Variants in RUNX1 observed in about 807,000 individuals in gnomAD.
RUNX1 encodes the protein runt-related transcription factor 1.
Under a neutral mutation model 42.8 loss-of-function variants are expected in RUNX1, and 19 were observed. The observed-to-expected ratio is 0.44, with a 90% CI of 0.31 to 0.65. The LOEUF is 0.65. RUNX1 is among the 30% of genes least tolerant of loss of function. The pLI, the probability that RUNX1 is intolerant of heterozygous loss-of-function variation, is 0.07. For synonymous variants in RUNX1, 271 were observed against 289.4 expected (o/e 0.94, Z 0.64); for missense variants, 528 against 672.0 (o/e 0.79, Z 2.37).
chr21:34,799,152 G>A (rs1177855564), intron 8 of RUNX1, 149 bp downstream of exon 8: 1 of 826,742 alleles, frequency 1.2e-6, no homozygotes, highest in African/African-American at 1.7e-5. Context: ...AAGAAAATCA[G>A]TGCATGGGCA....
intron 2 of RUNX1, among the ~76,000 whole-genome samples, chr21:35,018,203 T>G (rs1284323157): frequency 6.6e-6 from 1 of 152,102 alleles, no homozygotes; most frequent in Non-Finnish European, 1.5e-5. Flanking sequence ...TTTTTGCATT[T>G]TTAGTATTTT....
At chr21:34,849,279 AATATATAT>A (rs2057362736) in intron 6 of RUNX1, among the ~76,000 whole-genome samples, 1 of 66,682 alleles carries the variant, frequency 1.5e-5, no homozygotes, top group African/African-American at 5.8e-5. Context: ...ATATATATAT[AATATATAT>A]TATATATAAA....
chr21:34,797,962 C>A (rs899046771), intron 8 of RUNX1: 5 of 450,570 alleles, frequency 1.1e-5, no homozygotes, highest in South Asian at 4.7e-5. Context: ...TCAGGACAGA[C>A]CCCCCCCAAC....
rs1235706809 is a variant in RUNX1 at position 34,789,289 on chromosome 21, T to G, written c.*2846A>C. 4.4e-6 allele frequency: 1 copy of G among 229,272 alleles called. No individual in the cohort carries two copies. The highest frequency in any genetic ancestry group is 8.5e-6 in the Non-Finnish European group (1 of 117,316). The allele number at this position is 229,272 out of a possible 1,614,324, so 14.2% of individuals were successfully genotyped here. A position where few individuals can be genotyped will look rare whatever the true frequency, so the allele number is the denominator to read the frequency against. On this transcript the variant is annotated 3_prime_UTR_variant, in exon 9 of 9. Transcript: ENST00000675419. ...CACAGGAAAAGGAGGAGGGAGAAAG[T>G]GGGGTTTGGAAGATAGAGGAAGAGA...
chr21:34,963,362 C>T (rs145098259), intron 2 of RUNX1, among the ~76,000 whole-genome samples: 2,336 of 152,228 alleles, frequency 0.015, 33 homozygotes, highest in Non-Finnish European at 0.022. Flanking sequence ...TTTTAAAGCT[C>T]CTGCAGAGAG....
chr21:34,964,487 CAAAAA>C (rs58388110), intron 2 of RUNX1, among the ~76,000 whole-genome samples: 1 of 119,330 alleles, frequency 8.4e-6, no homozygotes. Context: ...GACTCCATCT[CAAAAA>C]AAAAAAAAAA....
intron 6 of RUNX1, among the ~76,000 whole-genome samples, chr21:34,835,356 GC>G (rs1408189058): frequency 2.0e-5 from 3 of 152,164 alleles, no homozygotes; most frequent in Non-Finnish European, 4.4e-5. Flanking sequence ...GGTAGCTACA[GC>G]CTATCTGGTG....
At chr21:34,888,717 C>G (rs1569086458) in intron 3 of RUNX1, 2 of 1,029,092 alleles carry the variant, frequency 1.9e-6, no homozygotes, top group African/African-American at 1.7e-5. Context: ...AATGAACGTG[C>G]TTTTACTGTA....
chr21:34,964,992 ACACT>A (rs1322023191), intron 2 of RUNX1, among the ~76,000 whole-genome samples: 1 of 149,756 alleles, frequency 6.7e-6, no homozygotes, highest in Non-Finnish European at 1.5e-5. Flanking sequence ...ACACACAAGC[ACACT>A]CACATACGTG....
In RUNX1 at chr21:35,047,561, ACTCTCT is replaced by A. The variant is rs55862184; in HGVS notation, c.58+1275_58+1280del. On this transcript the variant is annotated intron_variant, in intron 2 of 8. Transcript: ENST00000675419. ...CACACACACACACACACACACACAC[ACTCTCT>A]CTCTCTCTCTCTCTCTCTCTCTCTC... Among the ~76,000 whole-genome samples, 251 of 46,760 alleles carry A rather than the reference ACTCTCT, an allele frequency of 5.4e-3. 5 individuals are homozygous for A. Among genetic ancestry groups the A allele is most frequent in the South Asian group, 0.033 (40 of 1,212 alleles). The allele number at this position is 46,760 out of a possible 152,430, so 30.7% of individuals were successfully genotyped here.
In RUNX1 at chr21:34,886,860, G is replaced by A. The variant is rs1232174620; in HGVS notation, c.334C>T (p.Leu112=). The change falls in exon 4 of 9, where the codon CTG becomes TTG. Residue 112 remains leucine (L), a synonymous_variant. Transcript: ENST00000675419. ...LPTHWRCNKT[L]PIAFKVVALG... ...GCCAGTACCTTGAAAGCGATGGGCA[G>A]GGTCTTGTTGCAGCGCCAGTGCGTA... 6.2e-7 allele frequency: 1 copy of A among 1,613,552 alleles called. No individual in the cohort carries two copies. The highest frequency in any genetic ancestry group is 8.5e-7 in the Non-Finnish European group (1 of 1,179,782).
At chr21:34,821,703 G>C in intron 7 of RUNX1, 1 of 1,565,720 alleles carries the variant, frequency 6.4e-7, no homozygotes, top group Non-Finnish European at 8.7e-7. Flanking sequence ...TCCTCTGAGG[G>C]AGCCATGTGT....
In RUNX1 at chr21:34,849,715, A is replaced by G. The variant is rs111909083; in HGVS notation, c.613+9759T>C. 2.4e-3 allele frequency among the ~76,000 whole-genome samples: 358 copies of G among 150,410 alleles called. 2 individuals are homozygous for G. The highest frequency in any genetic ancestry group is 8.2e-3 in the African/African-American group (336 of 41,028). On this transcript the variant is annotated intron_variant, in intron 6 of 8. Transcript: ENST00000675419. ...AATGTACGGTAATAGATTATACCTA[A>G]TTTACCCTTTCTGTATTGCCAACTT...
chr21:34,941,335 T>C (rs1353028953), intron 2 of RUNX1, among the ~76,000 whole-genome samples: 1 of 152,220 alleles, frequency 6.6e-6, no homozygotes, highest in Non-Finnish European at 1.5e-5. Flanking sequence ...AATTTCTCTC[T>C]TCCTGCAGCA....
chr21:34,964,243 C>T (rs1048999185), intron 2 of RUNX1, among the ~76,000 whole-genome samples: 2 of 152,046 alleles, frequency 1.3e-5, no homozygotes, highest in African/African-American at 4.8e-5. Flanking sequence ...AATTCCAGCA[C>T]TATGGGAGGC....
At chr21:34,938,440 G>A (rs80233387) in intron 2 of RUNX1, among the ~76,000 whole-genome samples, 102 of 152,108 alleles carry the variant, frequency 6.7e-4, no homozygotes, top group Non-Finnish European at 9.7e-4. Flanking sequence ...ATCTTGCTCA[G>A]GGTCTAATGC....
intron 2 of RUNX1, among the ~76,000 whole-genome samples, chr21:34,995,933 C>T (rs1237197867): frequency 6.6e-6 from 1 of 151,954 alleles, no homozygotes; most frequent in African/African-American, 2.4e-5. Flanking sequence ...TCTTTTTATA[C>T]TTGGCTTTTT....
Position 34,891,245 on chromosome 21 carries a change from T to C in RUNX1, c.97+1680A>G, listed in dbSNP as rs113696778. 3.2e-3 allele frequency among the ~76,000 whole-genome samples: 485 copies of C among 152,130 alleles called. 4 individuals are homozygous for C. The highest frequency in any genetic ancestry group is 0.011 in the African/African-American group (469 of 41,494). ...TCAGAGGCAGCGTCGTGGGAGCTGC[T>C]CAGCTAGGAGTTTCAACCGATAAAC... On this transcript the variant is annotated intron_variant, in intron 3 of 8. Coordinates refer to ENST00000675419, the MANE Select transcript of RUNX1 (RefSeq NM_001754.5).
chr21:34,843,594 A>G lies in RUNX1; in HGVS notation c.614-8993T>C, dbSNP rs141458123. On this transcript the variant is annotated intron_variant, in intron 6 of 8. Coordinates refer to ENST00000675419, the MANE Select transcript of RUNX1 (RefSeq NM_001754.5). This position sits in a 1 kb window ranked among gnomAD's most constrained non-coding sequence, Gnocchi z 4.8. Reference sequence around the variant, plus strand: ...AAGTGTAGCAAGCAACAGTCAATGGACAGGAAAGGCTGGCCAACGCCAAGG... The same window carrying G: ...AAGTGTAGCAAGCAACAGTCAATGGGCAGGAAAGGCTGGCCAACGCCAAGG... Among the ~76,000 whole-genome samples the G allele has an allele frequency of 6.6e-6, 1 of 152,326 alleles. No individual in the cohort carries two copies. Among genetic ancestry groups the G allele is most frequent in the Non-Finnish European group, 1.5e-5 (1 of 68,026 alleles).
Sources: allele counts gnomAD v4.1 joint callset (sites outside exome capture counted in the v4.1 genomes callset), GRCh38; gene constraint gnomAD v4.1.1; non-coding constraint Gnocchi (gnomAD v3.1); transcripts MANE v1.5; gene names NCBI Gene and HGNC (gene_info 2026-07-23, HGNC 2026-07-21).